ZNF536: variants seen among roughly 807,000 people sequenced by gnomAD.
The protein encoded by ZNF536 is zinc finger protein 536.
Under a neutral mutation model 84.5 loss-of-function variants are expected in ZNF536, and 13 were observed. That is an observed-to-expected ratio of 0.15 (90% CI 0.10 to 0.24). The LOEUF is 0.24. Ranked by LOEUF, ZNF536 falls within the 10% of genes least tolerant of loss-of-function variation. ZNF536 has a pLI of 1.00. For synonymous variants in ZNF536, 811 were observed against 742.5 expected (o/e 1.09, Z -1.50); for missense variants, 1,536 against 1,747.5 (o/e 0.88, Z 2.16).
Position 30,534,951 on chromosome 19 carries a change from A to G in ZNF536, c.2275A>G (p.Thr759Ala), listed in dbSNP as rs2045007705. 6.2e-7 allele frequency: 1 copy of G among 1,613,684 alleles called. No individual in the cohort carries two copies. Among genetic ancestry groups the G allele is most frequent in the African/African-American group, 1.3e-5 (1 of 75,044 alleles). Residue 759 changes from threonine to alanine, a missense_variant, in exon 3 of 5, where the codon ACT (threonine) becomes GCT (alanine). Around this residue, in one of 8 missense-constraint regions of ZNF536, gnomAD observed 148 missense variants for 205.4 expected, o/e 0.72. Transcript: ENST00000355537. Reference sequence around the variant, plus strand: ...GAAGGACTGCCCGTACTGTGGGAAAACTTTCCGGACATCCCATCACCTTAA... The same window carrying G: ...GAAGGACTGCCCGTACTGTGGGAAAGCTTTCCGGACATCCCATCACCTTAA... ...AMKDCPYCGK[T>A]FRTSHHLKVH...
intron 2 of ZNF536, among the ~76,000 whole-genome samples, chr19:30,494,782 C>T (rs1007250587): frequency 6.6e-6 from 1 of 151,922 alleles, no homozygotes. Context: ...CCCATCTCTA[C>T]TAAAAATACA....
At chr19:30,638,190 C>T (rs1388602770) in intron 1 of ZNF536, among the ~76,000 whole-genome samples, 1 of 152,212 alleles carries the variant, frequency 6.6e-6, no homozygotes, top group East Asian at 1.9e-4. Flanking sequence ...GGTGGCTGGT[C>T]TTTCTCAACC....
intron 2 of ZNF536, among the ~76,000 whole-genome samples, chr19:30,286,240 G>A (rs2045621394): frequency 1.3e-5 from 2 of 152,184 alleles, no homozygotes; most frequent in African/African-American, 2.4e-5. Context: ...TAGTGCGGGC[G>A]AGATGTATTC....
Position 30,444,939 on chromosome 19 carries a change from C to A in ZNF536, c.1377C>A (p.Pro459=), listed in dbSNP as rs2148204922. 1.2e-6 allele frequency: 2 copies of A among 1,611,664 alleles called. No homozygotes were observed. Among genetic ancestry groups the A allele is most frequent in the Non-Finnish European group, 1.7e-6 (2 of 1,179,114 alleles). Residue 459 remains proline (P), a synonymous_variant, in exon 2 of 5, where the codon CCC becomes CCA. Coordinates refer to ENST00000355537, the MANE Select transcript of ZNF536 (RefSeq NM_014717.3). ...PSQLYGKGEL[P]MKEKEALGKL... ...AGCTCTATGGCAAGGGCGAGCTGCC[C>A]ATGAAGGAGAAGGAAGCGCTGGGGA...
intron 1 of ZNF536, among the ~76,000 whole-genome samples, chr19:30,379,763 G>C (rs1477659435): frequency 2.6e-5 from 4 of 151,996 alleles, no homozygotes; most frequent in African/African-American, 9.7e-5. Context: ...TGGCTGCAGG[G>C]GATGCTGTAA....
At chr19:30,595,374 A>G (rs187054747) in intron 1 of ZNF536, among the ~76,000 whole-genome samples, 7 of 152,062 alleles carry the variant, frequency 4.6e-5, no homozygotes, top group African/African-American at 1.4e-4. Flanking sequence ...TGCAGCCTTG[A>G]TCTCCTCAGT....
At chr19:30,387,363 G>A (rs573674932) in intron 1 of ZNF536, among the ~76,000 whole-genome samples, 180 of 152,334 alleles carry the variant, frequency 1.2e-3, no homozygotes, top group African/African-American at 4.1e-3. Context: ...GCAGCCCCTG[G>A]TTGCTGTGGG....
chr19:30,450,202 G>T (rs1031016563), intron 2 of ZNF536, among the ~76,000 whole-genome samples: 1 of 151,540 alleles, frequency 6.6e-6, no homozygotes, highest in Non-Finnish European at 1.5e-5. Context: ...TATTGTTGCC[G>T]AGCGAACAGC....
intron 1 of ZNF536, among the ~76,000 whole-genome samples, chr19:30,690,853 A>G (rs2051379416): frequency 6.6e-6 from 1 of 152,198 alleles, no homozygotes; most frequent in Non-Finnish European, 1.5e-5. Context: ...AGGATCTGAT[A>G]AAAACCACTC....
intron 2 of ZNF536, among the ~76,000 whole-genome samples, chr19:30,520,402 C>T (rs925628492): frequency 5.3e-5 from 8 of 152,196 alleles, no homozygotes; most frequent in African/African-American, 1.9e-4. Flanking sequence ...GTTGAGAGAC[C>T]AATGGGATGC....
At chr19:30,713,137 A>T (rs942659270) in exon 2 of ZNF536, 12 of 152,026 alleles carry the variant, frequency 7.9e-5, no homozygotes, top group African/African-American at 2.9e-4. Flanking sequence ...GTGTGTGTTG[A>T]TTCCATTTTG....
intron 1 of ZNF536, among the ~76,000 whole-genome samples, chr19:30,582,113 G>A (rs1372532032): frequency 6.6e-6 from 1 of 152,136 alleles, no homozygotes; most frequent in South Asian, 2.1e-4. Flanking sequence ...GTTGTTGGTA[G>A]CAAAGACTCA....
chr19:30,436,611 T>A, intron 1 of ZNF536: 10 of 548,204 alleles, frequency 1.8e-5, no homozygotes, highest in Non-Finnish European at 2.3e-5. Context: ...GTTCTGTATT[T>A]CAGAACAGGA....
chr19:30,389,416 T>TA (rs916060034), intron 1 of ZNF536, among the ~76,000 whole-genome samples: 25 of 151,704 alleles, frequency 1.6e-4, no homozygotes, highest in Non-Finnish European at 2.7e-4. Context: ...GAGACCCTTG[T>TA]AAAAAAAAAT....
chr19:30,369,743 T>G (rs1258249539), upstream of ZNF536, among the ~76,000 whole-genome samples: 1 of 152,228 alleles, frequency 6.6e-6, no homozygotes, highest in African/African-American at 2.4e-5. Context: ...TGAGCAATTT[T>G]TTTTTAGAAG....
rs973344649 is a variant in ZNF536, at chr19:30,678,798, T to C, written c.170-31959T>C. ...ACTTTTGCTTTTTGCCCTCTGGAAATAGGTCAGTTAAATCTTCATTCAAAA... is the reference window on the plus strand; with the variant it reads ...ACTTTTGCTTTTTGCCCTCTGGAAACAGGTCAGTTAAATCTTCATTCAAAA... On this transcript the variant is annotated intron_variant, in intron 1 of 1. Coordinates refer to the ZNF536 transcript ENST00000592773. 3.0e-5 allele frequency among the ~76,000 whole-genome samples: 4 copies of C among 132,376 alleles called. No individual in the cohort carries two copies. The East Asian group carries it at 9.6e-4, about 32-fold the overall frequency. The allele number at this position is 132,376 out of a possible 152,430, so 86.8% of individuals were successfully genotyped here.
At chr19:30,254,363 A>G (rs921837268) in intron 1 of ZNF536, among the ~76,000 whole-genome samples, 5 of 152,166 alleles carry the variant, frequency 3.3e-5, no homozygotes, top group East Asian at 1.9e-4. Flanking sequence ...GCCAGCTCCA[A>G]TGAGACAGGA....
rs1319525792 is a variant in ZNF536 at position 30,549,023 on chromosome 19, C to G, written c.3404C>G (p.Pro1135Arg). 6.2e-7 allele frequency: 1 copy of G among 1,614,158 alleles called. No homozygotes were observed. Among genetic ancestry groups the G allele is most frequent in the Non-Finnish European group, 8.5e-7 (1 of 1,180,042 alleles). Residue 1135 changes from proline to arginine, a missense_variant, in exon 4 of 5, where the codon CCT becomes CGT. Coordinates refer to ENST00000355537, the MANE Select transcript of ZNF536 (RefSeq NM_014717.3). ...TCCAGTTCCTGCCCCAACAAGGAGC[C>G]TGATGGAAAGGCCCACTCTGAAGAG... ...GASSSCPNKEPDGKAHSEEDV... is the reference protein window; with the variant it reads ...GASSSCPNKERDGKAHSEEDV...
At chr19:30,329,900 G>A (rs1205306775) in intron 2 of ZNF536, among the ~76,000 whole-genome samples, 1 of 152,172 alleles carries the variant, frequency 6.6e-6, no homozygotes, top group East Asian at 1.9e-4. Flanking sequence ...GGGAATTATT[G>A]TACTGTGCTA....
Sources: gnomAD v4.1 joint callset for allele counts (sites outside exome capture counted in the v4.1 genomes callset) on GRCh38, gnomAD v4.1.1 for gene constraint, gnomAD v4.1.1 regional missense constraint, MANE v1.5 for transcripts, NCBI Gene and HGNC (gene_info 2026-07-23, HGNC 2026-07-21) for gene names.